SDK1: variants seen among roughly 807,000 people sequenced by gnomAD.
SDK1 encodes the protein protein sidekick-1.
SDK1 carries 157 observed loss-of-function variants against 245.5 expected under a neutral mutation model. The ratio of observed to expected loss-of-function variants is 0.64; its 90% CI spans 0.56 to 0.73. The LOEUF (loss-of-function observed/expected upper bound fraction) is 0.73, where lower values mean the gene tolerates loss of function less well. SDK1 is among the 30% of genes least tolerant of loss of function. The pLI, the probability that SDK1 is intolerant of heterozygous loss-of-function variation, is 0.00. For synonymous variants in SDK1, 1,647 were observed against 1,278.5 expected (o/e 1.29, Z -6.15); for missense variants, 3,583 against 3,002.3 (o/e 1.19, Z -4.52).
At chr7:3,988,971 G>T (rs1457601265) in intron 14 of SDK1, among the ~76,000 whole-genome samples, 1 of 152,144 alleles carries the variant, frequency 6.6e-6, no homozygotes, top group Non-Finnish European at 1.5e-5. Context: ...TGGCCAGGCT[G>T]GTCTCAAACT....
At chr7:3,352,761 A>C (rs1457771400) in intron 1 of SDK1, among the ~76,000 whole-genome samples, 1 of 152,076 alleles carries the variant, frequency 6.6e-6, no homozygotes, top group Non-Finnish European at 1.5e-5. Flanking sequence ...TGACCTAGGG[A>C]AACCCTTTTT....
intron 1 of SDK1, among the ~76,000 whole-genome samples, chr7:3,562,932 G>A (rs891776963): frequency 4.1e-5 from 4 of 97,654 alleles, no homozygotes; most frequent in African/African-American, 1.3e-4. Context: ...GGAGGTAAGG[G>A]GGATCAAGTC....
intron 1 of SDK1, among the ~76,000 whole-genome samples, chr7:3,408,454 T>G (rs1779109453): frequency 6.6e-6 from 1 of 152,244 alleles, no homozygotes; most frequent in Non-Finnish European, 1.5e-5. Context: ...GCTTTAATTA[T>G]TTTTAAATTT....
chr7:3,803,456 G>T (rs976576844), intron 4 of SDK1, among the ~76,000 whole-genome samples: 1 of 150,908 alleles, frequency 6.6e-6, no homozygotes, highest in South Asian at 2.1e-4. Flanking sequence ...AACTACAAGG[G>T]CATGCCACTG....
chr7:3,967,350 GACACCACAGTT>G lies in SDK1; in HGVS notation c.1465_1475del (p.Thr489Ter), dbSNP rs1782155510. 10 of 1,614,154 alleles carry G rather than the reference GACACCACAGTT, an allele frequency of 6.2e-6. No individual in the cohort carries two copies. Among genetic ancestry groups the G allele is most frequent in the Non-Finnish European group, 8.5e-6 (10 of 1,179,996 alleles). The stretch of plus-strand genomic sequence containing the variant: ...TCCAGTGTTCACCCAGCGGCCAGTG[GACACCACAGTT>G]ACTGACGGGATGACAGCCATTCTAA... On this transcript the variant is annotated frameshift_variant, in exon 10 of 45. Coordinates refer to ENST00000404826, the MANE Select transcript of SDK1 (RefSeq NM_152744.4). LOFTEE classifies it high-confidence loss of function.
chr7:4,162,772 C>T (rs1781235660), intron 32 of SDK1, among the ~76,000 whole-genome samples: 1 of 152,182 alleles, frequency 6.6e-6, no homozygotes. Flanking sequence ...TCACACACTC[C>T]TTGTTGGGCC....
At chr7:3,603,650 T>A (rs1357429698) in intron 1 of SDK1, among the ~76,000 whole-genome samples, 1 of 152,188 alleles carries the variant, frequency 6.6e-6, no homozygotes, top group Non-Finnish European at 1.5e-5. Context: ...TGACTTCCTT[T>A]TTTCATAATT....
chr7:3,611,559 A>T (rs902253287), intron 1 of SDK1, among the ~76,000 whole-genome samples: 4 of 152,082 alleles, frequency 2.6e-5, no homozygotes, highest in African/African-American at 9.7e-5. Context: ...CTGGGTAGAT[A>T]CCCAGGAGTG....
chr7:4,076,528 C>T (rs567709827), intron 20 of SDK1, among the ~76,000 whole-genome samples: 1 of 152,218 alleles, frequency 6.6e-6, no homozygotes, highest in South Asian at 2.1e-4. Context: ...TGCACTTCAG[C>T]CTGGGCAACA....
Position 4,213,667 on chromosome 7 carries a change from G to A in SDK1, c.5539+3505G>A, listed in dbSNP as rs532071187. On this transcript the variant is annotated intron_variant, in intron 38 of 44. Transcript: ENST00000404826. The stretch of plus-strand genomic sequence containing the variant: ...GTCAGAAGTGCCGCACAGGGGCCTC[G>A]ATGTGTTGGGTCCTCTTCTCTCTGC... Among the ~76,000 whole-genome samples, 13 of 151,852 alleles carry A rather than the reference G, an allele frequency of 8.6e-5. No homozygotes were observed. In the South Asian group the frequency reaches 2.1e-3, roughly 24 times the overall value.
chr7:3,417,504 C>T (rs1011633950), intron 1 of SDK1, among the ~76,000 whole-genome samples: 5 of 152,132 alleles, frequency 3.3e-5, no homozygotes, highest in Non-Finnish European at 7.3e-5. Flanking sequence ...ACTCTTCAAG[C>T]GTACACTTAA....
chr7:4,264,190 G>A (rs1262644202), intron 44 of SDK1, among the ~76,000 whole-genome samples: 6 of 96,078 alleles, frequency 6.2e-5, no homozygotes, highest in African/African-American at 2.2e-4. Flanking sequence ...GGGAGGCCGC[G>A]TAGACCTCTC....
At chr7:4,022,385 T>C (rs1786965258) in intron 17 of SDK1, among the ~76,000 whole-genome samples, 2 of 152,162 alleles carry the variant, frequency 1.3e-5, no homozygotes, top group African/African-American at 4.8e-5. Context: ...TTGACTTTAA[T>C]AAGGCCCTTG....
At chr7:3,725,693 C>T (rs930091836) in intron 4 of SDK1, among the ~76,000 whole-genome samples, 1 of 152,144 alleles carries the variant, frequency 6.6e-6, no homozygotes, top group African/African-American at 2.4e-5. Context: ...GAGCCCCAGC[C>T]GTAAGTGGAC....
At chr7:3,971,593 T>A (rs369595482) in intron 12 of SDK1, 25 bp downstream of exon 12, 21 of 1,500,598 alleles carry the variant, frequency 1.4e-5, no homozygotes, top group Non-Finnish European at 1.8e-5. Context: ...TTACAATGCT[T>A]TGGGGCTTGT....
At chr7:3,689,006 A>G (rs1289887346) in intron 4 of SDK1, among the ~76,000 whole-genome samples, 1 of 152,234 alleles carries the variant, frequency 6.6e-6, no homozygotes, top group East Asian at 1.9e-4. Context: ...ACCTTCTGCT[A>G]TACTTGCGTT....
chr7:3,906,619 T>C (rs1778948433), intron 5 of SDK1, among the ~76,000 whole-genome samples: 2 of 20,312 alleles, frequency 9.8e-5, no homozygotes, highest in East Asian at 4.2e-3. Context: ...TTCAGTGTCT[T>C]TTTTTTTTTT....
intron 1 of SDK1, among the ~76,000 whole-genome samples, chr7:3,421,430 T>TA: frequency 6.6e-6 from 1 of 152,288 alleles, no homozygotes; most frequent in East Asian, 1.9e-4. Context: ...ACTAAATAAT[T>TA]ATGATATTCA....
At chr7:3,432,956 A>G (rs1483071178) in intron 1 of SDK1, among the ~76,000 whole-genome samples, 1 of 152,188 alleles carries the variant, frequency 6.6e-6, no homozygotes, top group Non-Finnish European at 1.5e-5. Flanking sequence ...ATATTCACTT[A>G]CAGAAGAGAG....
Sources: gnomAD v4.1 joint callset for allele counts (sites outside exome capture counted in the v4.1 genomes callset) on GRCh38, gnomAD v4.1.1 for gene constraint, MANE v1.5 for transcripts, NCBI Gene and HGNC (gene_info 2026-07-23, HGNC 2026-07-21) for gene names.